Variants in CD96 observed in about 807,000 individuals in gnomAD.
CD96 encodes the protein CD96 molecule, also known as T-cell surface protein tactile.
A neutral mutation model predicts 71.3 loss-of-function variants in CD96; 70 were observed. The observed-to-expected ratio is 0.98, with a 90% CI of 0.81 to 1.20. The LOEUF (loss-of-function observed/expected upper bound fraction) is 1.20, where lower values mean the gene tolerates loss of function less well. Among genes scored for constraint, CD96 ranks in the 50% most tolerant of loss-of-function variants. The probability of loss-of-function intolerance (pLI) is 0.00; values close to 1 mark genes in which losing one functional copy is unlikely to be tolerated. For synonymous variants in CD96, 248 were observed against 233.0 expected (o/e 1.06, Z -0.59); for missense variants, 742 against 677.5 (o/e 1.10, Z -1.06).
intron 10 of CD96, among the ~76,000 whole-genome samples, chr3:111,630,104 A>G (rs1460416249): frequency 6.6e-6 from 1 of 152,204 alleles, no homozygotes; most frequent in African/African-American, 2.4e-5. Flanking sequence ...TAAAAGAACT[A>G]GAGAACCAGG....
intron 3 of CD96, among the ~76,000 whole-genome samples, chr3:111,572,648 G>T (rs767204929): frequency 1.6e-4 from 25 of 152,130 alleles, no homozygotes; most frequent in Non-Finnish European, 2.8e-4. Flanking sequence ...ACTGAACTCT[G>T]GGAAGTTTCA....
chr3:111,662,682 A>C (rs1432053108), intron 14 of CD96, among the ~76,000 whole-genome samples: 1 of 152,214 alleles, frequency 6.6e-6, no homozygotes, highest in African/African-American at 2.4e-5. Context: ...CTAAAGCATA[A>C]CAAAAGTTAC....
At position 111,637,933 on chromosome 3, in the gene CD96, CTT is replaced by C. The variant is rs1939413232; in HGVS notation, c.1388-145_1388-144del. Reference sequence around the variant, plus strand: ...ATCCCAGCCTTGCTATAAATTGGTTCTTAATAAACTTTACACATAATATTTAA... The same window carrying C: ...ATCCCAGCCTTGCTATAAATTGGTTCAATAAACTTTACACATAATATTTAA... On this transcript the variant is annotated intron_variant, in intron 11 of 13. Coordinates refer to ENST00000352690, the MANE Select transcript of CD96 (RefSeq NM_005816.5). 1.2e-5 allele frequency: 8 copies of C among 661,964 alleles called. No homozygotes were observed. In the Admixed American group the frequency reaches 1.3e-4, roughly 11 times the overall value. The allele number at this position is 661,964 out of a possible 1,614,324, so 41.0% of individuals were successfully genotyped here. A position where few individuals can be genotyped will look rare whatever the true frequency, so the allele number is the denominator to read the frequency against.
intron 5 of CD96, among the ~76,000 whole-genome samples, chr3:111,592,431 A>C (rs542981718): frequency 2.4e-4 from 37 of 152,348 alleles, no homozygotes; most frequent in Admixed American, 7.2e-4. Flanking sequence ...GTTCAAATAA[A>C]TAACTGGTCT....
At chr3:111,657,201 C>G (rs544817400), downstream of CD96, among the ~76,000 whole-genome samples, 129 of 152,050 alleles carry the variant, frequency 8.5e-4, no homozygotes, top group Admixed American at 2.8e-3. Flanking sequence ...GGGCAGATCA[C>G]GAAGTCAGGA....
intron 8 of CD96, among the ~76,000 whole-genome samples, chr3:111,618,554 A>G (rs1334626135): frequency 4.6e-5 from 7 of 151,420 alleles, no homozygotes; most frequent in African/African-American, 1.7e-4. Flanking sequence ...TCCTTGAAGG[A>G]GGAAACAATG....
At chr3:111,618,642 T>C (rs1236853072) in intron 8 of CD96, among the ~76,000 whole-genome samples, 1 of 149,148 alleles carries the variant, frequency 6.7e-6, no homozygotes. Flanking sequence ...TGGAGTACAG[T>C]GGCACGATCT....
chr3:111,617,030 T>C lies in CD96; in HGVS notation c.1181-6724T>C, dbSNP rs555450636. On this transcript the variant is annotated intron_variant, in intron 8 of 13. Transcript: ENST00000352690. ...GCTCAGCCCAGGCACTGTCACAACC[T>C]GGCCAGGTGTGTGCACACTTGGGGC... 2.0e-3 allele frequency among the ~76,000 whole-genome samples: 311 copies of C among 152,296 alleles called. 2 individuals carry two copies. The highest frequency in any genetic ancestry group is 7.2e-3 in the African/African-American group (298 of 41,562).
At chr3:111,556,338 A>C in intron 2 of CD96, among the ~76,000 whole-genome samples, 2 of 132,250 alleles carry the variant, frequency 1.5e-5, no homozygotes, top group South Asian at 2.9e-4. Flanking sequence ...ATATCTCCCA[A>C]TGCTATCCCT....
At position 111,651,133 on chromosome 3, in the gene CD96, A is replaced by G. The variant is rs1559780913; in HGVS notation, c.*1327A>G. The G allele has an allele frequency of 2.6e-5, 4 of 152,232 alleles. No homozygotes were observed. The highest frequency in any genetic ancestry group is 6.5e-5 in the Admixed American group (1 of 15,288). 9.4% of individuals were successfully genotyped at this position (152,232 alleles called of 1,614,324 possible). ...GTGAGACACAGGCATCAACACTCTCAAATGATTCACATGTTCAGCCAAAGT... is the reference window on the plus strand; with the variant it reads ...GTGAGACACAGGCATCAACACTCTCGAATGATTCACATGTTCAGCCAAAGT... On this transcript the variant is annotated 3_prime_UTR_variant, in exon 14 of 14. Transcript: ENST00000352690.
rs1940041028 is a variant in CD96, at chr3:111,650,767, G to T, written c.*961G>T. 4 of 152,372 alleles carry T rather than the reference G, an allele frequency of 2.6e-5. No homozygotes were observed. The East Asian group carries it at 5.8e-4, about 22-fold the overall frequency. 9.4% of individuals were successfully genotyped at this position (152,372 alleles called of 1,614,324 possible). A position where few individuals can be genotyped will look rare whatever the true frequency, so the allele number is the denominator to read the frequency against. On this transcript the variant is annotated 3_prime_UTR_variant, in exon 14 of 14. Coordinates refer to ENST00000352690, the MANE Select transcript of CD96 (RefSeq NM_005816.5). ...CCTACCAATCTTTTTTAAAGCAGTT[G>T]AAGCAGAATGTATAGGTGTCAGAGA...
intron 13 of CD96, 66 bp downstream of exon 13, chr3:111,647,732 A>T: frequency 8.6e-7 from 1 of 1,166,516 alleles, no homozygotes; most frequent in African/African-American, 1.5e-5. Flanking sequence ...CATCAGTACA[A>T]TATATTATTA....
chr3:111,564,489 C>T (rs1935608433), intron 2 of CD96, among the ~76,000 whole-genome samples: 1 of 151,856 alleles, frequency 6.6e-6, no homozygotes. Context: ...TATTTCTAAC[C>T]CTTTCTCGAA....
chr3:111,652,819 A>G (rs1940137908), downstream of CD96, among the ~76,000 whole-genome samples: 1 of 151,926 alleles, frequency 6.6e-6, no homozygotes, highest in Non-Finnish European at 1.5e-5. Context: ...TTTGAGCCTT[A>G]AATTGTGTGC....
At chr3:111,542,621 T>C (rs766535737) in intron 1 of CD96, among the ~76,000 whole-genome samples, 2 of 152,204 alleles carry the variant, frequency 1.3e-5, no homozygotes, top group African/African-American at 4.8e-5. Flanking sequence ...GGAAATGAAA[T>C]GCTCTCCAAA....
Position 111,610,569 on chromosome 3 carries a change from G to C in CD96, c.1180+3777G>C, listed in dbSNP as rs528437978. On this transcript the variant is annotated intron_variant, in intron 8 of 13. Coordinates refer to ENST00000352690, the MANE Select transcript of CD96 (RefSeq NM_005816.5). ...CATGAAAGCAATATTCTTTAATGAG[G>C]GGAGGAGAACTTAATAACTCATAAC... Among the ~76,000 whole-genome samples the C allele has an allele frequency of 8.5e-5, 13 of 152,300 alleles. No homozygotes were observed. In the South Asian group the frequency reaches 2.7e-3, roughly 32 times the overall value.
chr3:111,603,623 G>A (rs181422539), intron 7 of CD96, among the ~76,000 whole-genome samples: 2 of 152,154 alleles, frequency 1.3e-5, no homozygotes, highest in Admixed American at 1.3e-4. Flanking sequence ...CCCTGGGGTG[G>A]ATAATATTTT....
At chr3:111,640,827 C>A (rs1939555352) in intron 12 of CD96, among the ~76,000 whole-genome samples, 2 of 152,170 alleles carry the variant, frequency 1.3e-5, no homozygotes, top group East Asian at 1.9e-4. Context: ...GACTGGGGAC[C>A]TATCTTGAAC....
chr3:111,639,384 A>G (rs538070955), intron 12 of CD96, among the ~76,000 whole-genome samples: 1 of 152,244 alleles, frequency 6.6e-6, no homozygotes, highest in South Asian at 2.1e-4. Context: ...GACAACCTGC[A>G]TGATTCAGCA....
Sources: gnomAD v4.1 joint callset for allele counts (sites outside exome capture counted in the v4.1 genomes callset) on GRCh38, gnomAD v4.1.1 for gene constraint, MANE v1.5 for transcripts, NCBI Gene and HGNC (gene_info 2026-07-23, HGNC 2026-07-21) for gene names.